The following SBF1 variants were observed in gnomAD, a reference collection of about 807,000 sequenced individuals.
SBF1 encodes the protein SET binding factor 1, also known as myotubularin-related protein 5.
A neutral mutation model predicts 215.8 loss-of-function variants in SBF1; 65 were observed. The ratio of observed to expected loss-of-function variants is 0.30; its 90% CI spans 0.25 to 0.37. SBF1 has a LOEUF of 0.37. SBF1 is among the 10% of genes least tolerant of loss of function. The probability of loss-of-function intolerance (pLI) is 1.00; values close to 1 mark genes in which losing one functional copy is unlikely to be tolerated. For synonymous variants in SBF1, 1,410 were observed against 1,122.8 expected (o/e 1.26, Z -5.11); for missense variants, 2,634 against 2,667.8 (o/e 0.99, Z 0.28).
In SBF1 at chr22:50,446,564, A is replaced by G. The variant is rs2066826030; in HGVS notation, c.*578T>C. 3.4e-6 allele frequency: 1 copy of G among 295,742 alleles called. No individual in the cohort carries two copies. Among genetic ancestry groups the G allele is most frequent in the Admixed American group, 4.5e-5 (1 of 22,422 alleles). 18.3% of individuals were successfully genotyped at this position (295,742 alleles called of 1,614,324 possible). A position where few individuals can be genotyped will look rare whatever the true frequency, so the allele number is the denominator to read the frequency against. On this transcript the variant is annotated 3_prime_UTR_variant, in exon 41 of 41. Transcript: ENST00000380817. ...CCTCTCCAGCCGTGCCGGCCCCTAGACCAGCCCTGAGGCGTGGAGGGAATC... is the reference window on the plus strand; with the variant it reads ...CCTCTCCAGCCGTGCCGGCCCCTAGGCCAGCCCTGAGGCGTGGAGGGAATC...
In SBF1 at chr22:50,446,804, C is replaced by G. The variant is rs766994616; in HGVS notation, c.*338G>C. On this transcript the variant is annotated 3_prime_UTR_variant, in exon 41 of 41. Transcript: ENST00000380817. ...GGAGTGGGGAAGGCAGGCACAGGAG[C>G]GTGGCGTTAGTTCTCTCTTTATATA... The G allele has an allele frequency of 2.6e-5, 16 of 626,384 alleles. No homozygotes were observed. The East Asian group carries it at 5.4e-4, about 21-fold the overall frequency. The allele number at this position is 626,384 out of a possible 1,614,324, so 38.8% of individuals were successfully genotyped here. A position where few individuals can be genotyped will look rare whatever the true frequency, so the allele number is the denominator to read the frequency against.
At chr22:50,447,485 C>T in intron 39 of SBF1, 32 bp from the exon 40 acceptor site, 1 of 1,609,896 alleles carries the variant, frequency 6.2e-7, no homozygotes. Flanking sequence ...GCGGAGCCCC[C>T]TCCCCCGTGA....
Position 50,455,208 on chromosome 22 carries a change from A to G in SBF1, c.4554+16T>C, listed in dbSNP as rs372413879. ...GGGTGCACAGTCCCGGCCCACCCACACAGCGGCCTGCCCACCTGGTGTACG... is the reference window on the plus strand; with the variant it reads ...GGGTGCACAGTCCCGGCCCACCCACGCAGCGGCCTGCCCACCTGGTGTACG... On this transcript the variant is annotated intron_variant, in intron 33 of 40. Coordinates refer to ENST00000380817, the MANE Select transcript of SBF1 (RefSeq NM_002972.4). The G allele has an allele frequency of 8.7e-6, 14 of 1,612,112 alleles. 2 individuals are homozygous for G. In the African/African-American group the frequency reaches 1.3e-4, roughly 15 times the overall value.
At position 50,474,898 on chromosome 22, in the gene SBF1, G is replaced by A; in HGVS notation, c.-58C>T. 4.9e-6 allele frequency: 6 copies of A among 1,230,590 alleles called. No homozygotes were observed. The highest frequency in any genetic ancestry group is 6.3e-6 in the Non-Finnish European group (6 of 956,766). 76.2% of individuals were successfully genotyped at this position (1,230,590 alleles called of 1,614,324 possible). On this transcript the variant is annotated 5_prime_UTR_variant, in exon 1 of 41. Transcript: ENST00000380817. ...GGCGGGCTCCGCGGCTCGGGGACTCGAGGACGGCGCGCTCATGGCCCGGCC... is the reference window on the plus strand; with the variant it reads ...GGCGGGCTCCGCGGCTCGGGGACTCAAGGACGGCGCGCTCATGGCCCGGCC...
Position 50,455,466 on chromosome 22 carries a change from C to T in SBF1, c.4368+15G>A, listed in dbSNP as rs769092873. ...CCCGGGAGCCTGGCCCACCCCAGCCCCACGCGCCACACACCTGGGTGGTGA... is the reference window on the plus strand; with the variant it reads ...CCCGGGAGCCTGGCCCACCCCAGCCTCACGCGCCACACACCTGGGTGGTGA... On this transcript the variant is annotated intron_variant, in intron 32 of 40. Transcript: ENST00000380817. The T allele has an allele frequency of 5.0e-6, 8 of 1,612,034 alleles. No homozygotes were observed. The highest frequency in any genetic ancestry group is 4.4e-5 in the South Asian group (4 of 90,954).
At chr22:50,450,484 G>A (rs563821554) in intron 36 of SBF1, among the ~76,000 whole-genome samples, 2 of 151,320 alleles carry the variant, frequency 1.3e-5, no homozygotes, top group East Asian at 3.9e-4. Flanking sequence ...GTGCGCCACT[G>A]CACTCCAGCC....
rs763847148 is a variant in SBF1 at position 50,462,653 on chromosome 22, G to A, written c.2033C>T (p.Thr678Met). 1.2e-5 allele frequency: 19 copies of A among 1,612,570 alleles called. No homozygotes were observed. Among genetic ancestry groups the A allele is most frequent in the South Asian group, 5.5e-5 (5 of 90,898 alleles). Residue 678 changes from threonine (T) to methionine (M), a missense_variant, in exon 18 of 41, where the codon ACG becomes ATG. Physicochemically the swap from Thr to Met is moderately conservative, Grantham distance 81 (BLOSUM62 -1). Transcript: ENST00000380817. ...GAACATGGCCTCCCAGAACTGTGGC[G>A]TGCTCCACACCACGTGCTCCTGCAC... ...SCVQEHVVWS[T>M]PQFWEAMFYG...
chr22:50,454,422 T>G (rs1176931104), intron 36 of SBF1, 90 bp downstream of exon 36: 1 of 1,142,004 alleles, frequency 8.8e-7, no homozygotes, highest in African/African-American at 1.5e-5. Flanking sequence ...CTTACGTGCA[T>G]GTACGAGTGT....
In SBF1 at chr22:50,454,901, C is replaced by A. The variant is rs778315437; in HGVS notation, c.4725G>T (p.Pro1575=). ...EEKGERRGQV[P]CRSVWEYVDR... ...CCACATACTCCCACACAGACCTGCA[C>A]GGCACCTGGCCCCTGCGTTCCCCCT... Residue 1575 remains proline, a synonymous_variant, in exon 35 of 41, where the codon CCG becomes CCT. Coordinates refer to ENST00000380817, the MANE Select transcript of SBF1 (RefSeq NM_002972.4). 1.2e-6 allele frequency: 2 copies of A among 1,614,118 alleles called. No individual in the cohort carries two copies. The highest frequency in any genetic ancestry group is 1.1e-5 in the South Asian group (1 of 91,084).
intron 1 of SBF1, among the ~76,000 whole-genome samples, chr22:50,473,501 G>A (rs984000948): frequency 6.6e-5 from 10 of 152,212 alleles, no homozygotes; most frequent in African/African-American, 2.2e-4. Flanking sequence ...AGATGCTCAT[G>A]ACTGACGGTG....
chr22:50,459,339 C>G lies in SBF1; in HGVS notation c.3742G>C (p.Val1248Leu). Residue 1248 changes from valine (V) to leucine (L), a missense_variant, in exon 28 of 41, where the codon GTG (valine) becomes CTG (leucine). Transcript: ENST00000380817. ...GCGTAGCGGGGCATGGAGCTGACCA[C>G]AGCCTGCAGGTACTTCTCCTGCTCC... ...SLEQEKYLQA[V>L]VSSMPRYADA... 2.5e-6 allele frequency: 4 copies of G among 1,612,854 alleles called. No individual in the cohort carries two copies. Among genetic ancestry groups the G allele is most frequent in the Non-Finnish European group, 3.4e-6 (4 of 1,179,652 alleles).
rs1603430317 is a variant in SBF1 at position 50,448,393 on chromosome 22, G to A, written c.5203C>T (p.Leu1735=). 2 of 1,613,930 alleles carry A rather than the reference G, an allele frequency of 1.2e-6. No individual in the cohort carries two copies. The highest frequency in any genetic ancestry group is 1.1e-5 in the South Asian group (1 of 91,086). Reference sequence around the variant, plus strand: ...GGCCCCTCCTGCAGGTACACACCCAGCGAGCGACGGTGGTGGGGTGCGGTG... The same window carrying A: ...GGCCCCTCCTGCAGGTACACACCCAACGAGCGACGGTGGTGGGGTGCGGTG... ...VSTAPHHRRS[L]GVYLQEGPVG... The change falls in exon 38 of 41, where the codon CTG becomes TTG. Residue 1735 remains leucine (L), a synonymous_variant. Coordinates refer to ENST00000380817, the MANE Select transcript of SBF1 (RefSeq NM_002972.4).
Position 50,454,492 on chromosome 22 carries a change from T to TG in SBF1, c.5043+19dup. 2.5e-6 allele frequency: 4 copies of TG among 1,597,774 alleles called. No individual in the cohort carries two copies. The highest frequency in any genetic ancestry group is 3.4e-6 in the Non-Finnish European group (4 of 1,172,498). Reference sequence around the variant, plus strand: ...AGGAGGGGGGTGCCAGGCCAGACCCTGCTCTGGGATCACACGCACCTCCAG... The same window carrying TG: ...AGGAGGGGGGTGCCAGGCCAGACCCTGGCTCTGGGATCACACGCACCTCCAG... On this transcript the variant is annotated intron_variant, in intron 36 of 40. Coordinates refer to ENST00000380817, the MANE Select transcript of SBF1 (RefSeq NM_002972.4).
chr22:50,459,436 G>GCAGGGCAGGCA (rs1273783291), intron 27 of SBF1, 34 bp downstream of exon 27: 1 of 1,611,998 alleles, frequency 6.2e-7, no homozygotes, highest in East Asian at 2.2e-5. Flanking sequence ...GTGAGATAGG[G>GCAGGGCAGGCA]CAGGGCAGGC....
At chr22:50,461,481 G>C (rs1448309594) in intron 22 of SBF1, 42 bp downstream of exon 22, 4 of 1,552,432 alleles carry the variant, frequency 2.6e-6, no homozygotes, top group Non-Finnish European at 3.5e-6. Context: ...CCAAAGACCT[G>C]GGGGAGAGGG....
At position 50,464,531 on chromosome 22, in the gene SBF1, C is replaced by A. The variant is rs768466305; in HGVS notation, c.1636+3G>T. 5 of 1,607,040 alleles carry A rather than the reference C, an allele frequency of 3.1e-6. No homozygotes were observed. On this transcript the variant is annotated splice_donor_region_variant and intron_variant, in intron 14 of 40. Transcript: ENST00000380817. ...GCCTGCCTTCCCCTCCCTCATTACG[C>A]ACTCATGGGGGGCCCTGAGGGCACG...
chr22:50,449,653 CA>C (rs1234526231), intron 36 of SBF1, among the ~76,000 whole-genome samples: 63 of 148,908 alleles, frequency 4.2e-4, no homozygotes, highest in African/African-American at 1.5e-3. Flanking sequence ...CACACACACA[CA>C]CACCCCAAAA....
chr22:50,446,862 T>TG lies in SBF1; in HGVS notation c.*279dup, dbSNP rs745897282. 2 of 741,628 alleles carry TG rather than the reference T, an allele frequency of 2.7e-6. No individual in the cohort carries two copies. Among genetic ancestry groups the TG allele is most frequent in the Non-Finnish European group, 4.9e-6 (2 of 404,174 alleles). 45.9% of individuals were successfully genotyped at this position (741,628 alleles called of 1,614,324 possible). Reference sequence around the variant, plus strand: ...GTTCTAGAAACTCGCCTGCAGCCGCTGGCTGGACCAGCACACGCTGACGGG... The same window carrying TG: ...GTTCTAGAAACTCGCCTGCAGCCGCTGGGCTGGACCAGCACACGCTGACGGG... On this transcript the variant is annotated 3_prime_UTR_variant, in exon 41 of 41. Transcript: ENST00000380817.
Position 50,468,430 on chromosome 22 carries a change from C to G in SBF1, c.87G>C (p.Gln29His). 6.2e-7 allele frequency: 1 copy of G among 1,611,882 alleles called. No individual in the cohort carries two copies. Among genetic ancestry groups the G allele is most frequent in the Non-Finnish European group, 8.5e-7 (1 of 1,178,920 alleles). ...GSGEGQGQILQRFPEKDWEDN... is the reference protein window; with the variant it reads ...GSGEGQGQILHRFPEKDWEDN... ...CCTCCCAGTCCTTCTCTGGGAAGCG[C>G]TGCAGAATCTGGCCCTGGCCTTCCC... Residue 29 changes from glutamine (Q) to histidine (H), a missense_variant, in exon 2 of 41, where the codon CAG becomes CAC. Coordinates refer to ENST00000380817, the MANE Select transcript of SBF1 (RefSeq NM_002972.4).
Sources: allele counts gnomAD v4.1 joint callset (sites outside exome capture counted in the v4.1 genomes callset), GRCh38; gene constraint gnomAD v4.1.1; transcripts MANE v1.5; gene names NCBI Gene and HGNC (gene_info 2026-07-23, HGNC 2026-07-21).